The following ATAD2B variants were observed in gnomAD, a reference collection of about 807,000 sequenced individuals.
ATAD2B encodes the protein ATPase family AAA domain containing 2B.
A neutral mutation model predicts 167.6 loss-of-function variants in ATAD2B; 40 were observed. The observed-to-expected ratio is 0.24, with a 90% confidence interval of 0.19 to 0.31. The LOEUF (loss-of-function observed/expected upper bound fraction) is 0.31. ATAD2B is among the 10% of genes least tolerant of loss of function. The probability of loss-of-function intolerance (pLI) is 1.00; values close to 1 mark genes in which losing one functional copy is unlikely to be tolerated. For synonymous variants in ATAD2B, 579 were observed against 596.5 expected, an observed-to-expected ratio of 0.97 and a Z score of 0.43; for missense variants, 1,242 against 1,757.2, an observed-to-expected ratio of 0.71 and a Z score of 5.24.
chr2:23,765,035 T>A (rs867539444), intron 23 of ATAD2B, among the ~76,000 whole-genome samples: 12 of 152,250 alleles, frequency 7.9e-5, no homozygotes, highest in Non-Finnish European at 1.6e-4. Context: ...TACTAAAATG[T>A]GAGTTCCTCA....
At chr2:23,712,427 C>T in the ATAD2B span, among the ~76,000 whole-genome samples, 1 of 152,196 alleles carries the variant, frequency 6.6e-6, no homozygotes, top group Non-Finnish European at 1.5e-5. Flanking sequence ...AGTCCTCTCA[C>T]TGAGATGTGA....
chr2:23,920,997 G>A, intron 1 of ATAD2B, among the ~76,000 whole-genome samples: 1 of 152,072 alleles, frequency 6.6e-6, no homozygotes. Context: ...CTGAGGTCAG[G>A]AGTTCGAGAC....
At chr2:23,922,868 G>C (rs189725825) in intron 1 of ATAD2B, among the ~76,000 whole-genome samples, 2 of 152,120 alleles carry the variant, frequency 1.3e-5, no homozygotes, top group East Asian at 1.9e-4. Flanking sequence ...ACAAATATTG[G>C]GGAGATGTAG....
chr2:23,782,763 A>T, intron 22 of ATAD2B, 106 bp downstream of exon 22: 1 of 901,820 alleles, frequency 1.1e-6, no homozygotes. Context: ...GAAAAACAAC[A>T]GGTCATGAAA....
At chr2:23,680,971 C>T in the ATAD2B span, among the ~76,000 whole-genome samples, 19 of 152,330 alleles carry the variant, frequency 1.2e-4, no homozygotes, top group Non-Finnish European at 2.9e-5. The surrounding 1 kb of genome is among the most constrained non-coding windows in gnomAD (Gnocchi z 4.1). Context: ...CCCCAGACCC[C>T]GCAGCAATCC....
chr2:23,823,209 T>G, intron 16 of ATAD2B, 49 bp downstream of exon 16: 1 of 1,359,032 alleles, frequency 7.4e-7, no homozygotes, highest in Non-Finnish European at 1.0e-6. Flanking sequence ...TATTTATTTA[T>G]TCCTGTATTT....
chr2:23,874,092 CAGG>C (rs941878952), intron 8 of ATAD2B, among the ~76,000 whole-genome samples: 9 of 151,690 alleles, frequency 5.9e-5, no homozygotes, highest in Non-Finnish European at 8.8e-5. Flanking sequence ...GAGGCTGAGC[CAGG>C]AGAATTGCTT....
intron 22 of ATAD2B, among the ~76,000 whole-genome samples, chr2:23,772,905 T>C (rs1678556173): frequency 6.6e-6 from 1 of 152,120 alleles, no homozygotes; most frequent in South Asian, 2.1e-4. Flanking sequence ...GCCTGGCTAA[T>C]TTTTGTACTT....
chr2:23,880,596 T>C, intron 7 of ATAD2B, 43 bp downstream of exon 7: 1 of 1,117,568 alleles, frequency 8.9e-7, no homozygotes, highest in African/African-American at 1.6e-5. Flanking sequence ...CAGAATAAGT[T>C]ACTCAACTAC....
At chr2:23,712,014 T>C in the ATAD2B span, among the ~76,000 whole-genome samples, 1 of 152,198 alleles carries the variant, frequency 6.6e-6, no homozygotes, top group Non-Finnish European at 1.5e-5. Context: ...AGTTAGGCCA[T>C]GCCCCAAGTG....
intron 13 of ATAD2B, among the ~76,000 whole-genome samples, chr2:23,842,824 C>T: frequency 6.6e-6 from 1 of 152,104 alleles, no homozygotes; most frequent in Non-Finnish European, 1.5e-5. Flanking sequence ...TCAAAGCTCC[C>T]AGTTAAGAAA....
intron 10 of ATAD2B, among the ~76,000 whole-genome samples, chr2:23,865,610 T>C (rs1473780599): frequency 6.6e-6 from 1 of 152,038 alleles, no homozygotes; most frequent in Non-Finnish European, 1.5e-5. Flanking sequence ...GGCAATATTG[T>C]CCTCACAGAG....
the ATAD2B span, chr2:23,695,577 C>A: frequency 6.7e-6 from 9 of 1,346,384 alleles, no homozygotes; most frequent in Non-Finnish European, 1.0e-6. This position sits in a 1 kb window ranked among gnomAD's most constrained non-coding sequence, Gnocchi z 7.6. Flanking sequence ...CGGGAGGTGG[C>A]TCTCTCTTGC....
chr2:23,701,763 CTTTAGCTTCGCACACAT>C, the ATAD2B span, among the ~76,000 whole-genome samples: 19 of 150,788 alleles, frequency 1.3e-4, no homozygotes, highest in East Asian at 3.5e-3. Flanking sequence ...AGCCCAACTC[CTTTAGCTTCGCACACAT>C]GGCTTTTTTT....
chr2:23,918,262 C>G (rs1286373017), intron 1 of ATAD2B, among the ~76,000 whole-genome samples: 1 of 149,488 alleles, frequency 6.7e-6, no homozygotes, highest in African/African-American at 2.5e-5. Flanking sequence ...GTCCCAGTTA[C>G]TCAGAGGCTG....
chr2:23,838,266 A>G (rs2149786779), intron 13 of ATAD2B, among the ~76,000 whole-genome samples: 1 of 152,302 alleles, frequency 6.6e-6, no homozygotes, highest in Non-Finnish European at 1.5e-5. Context: ...TCAAATATAA[A>G]TTCATATTTA....
chr2:23,812,686 C>A (rs1685788780), intron 17 of ATAD2B, among the ~76,000 whole-genome samples: 2 of 151,770 alleles, frequency 1.3e-5, no homozygotes, highest in Admixed American at 1.3e-4. Flanking sequence ...CACGGTGAAA[C>A]CCCCGTCTCT....
intron 18 of ATAD2B, among the ~76,000 whole-genome samples, chr2:23,808,325 T>C (rs1174070489): frequency 2.7e-5 from 4 of 150,452 alleles, no homozygotes; most frequent in Non-Finnish European, 5.9e-5. Context: ...GCCAAGAAGA[T>C]TGATGATACT....
rs779837090 is a variant in ATAD2B at position 23,823,393 on chromosome 2, G to T, written c.1996C>A (p.Arg666Ser). 4 of 1,613,948 alleles carry T rather than the reference G, an allele frequency of 2.5e-6. No individual in the cohort carries two copies. Among genetic ancestry groups the T allele is most frequent in the South Asian group, 2.2e-5 (2 of 91,076 alleles). ...GCATGCCCTGAAGACATCACAGCAC[G>T]TTGGGAAGCAGGCACGATATTCTGC... ...AMQNIVPASQ[R>S]AVMSSGHALS... is the part of the protein sequence containing the mutation. The change falls in exon 16 of 28, where the codon CGT becomes AGT. Residue 666 changes from arginine (R) to serine (S), a missense_variant. By Grantham distance (110) the Arg-to-Ser change is moderately radical. This residue lies in a region of ATAD2B where 145 missense variants were observed against 181.9 expected (regional missense o/e 0.80). Transcript: ENST00000238789.
Sources: allele counts gnomAD v4.1 joint callset (sites outside exome capture counted in the v4.1 genomes callset), GRCh38; gene constraint gnomAD v4.1.1; regional missense constraint gnomAD v4.1.1; non-coding constraint Gnocchi (gnomAD v3.1); transcripts MANE v1.5; gene names NCBI Gene and HGNC (gene_info 2026-07-23, HGNC 2026-07-21).